Variants in RSPH14 observed in about 807,000 individuals in gnomAD.
The protein encoded by RSPH14 is radial spoke head 14 homolog, also known as rhabdoid tumor deletion region gene 1.
In RSPH14, 20 loss-of-function variants were observed where a neutral mutation model predicts 26.7. That is an observed-to-expected ratio of 0.75 (90% CI 0.53 to 1.09). RSPH14 has a LOEUF of 1.09. Among genes scored for constraint, RSPH14 ranks in the 50% least tolerant of loss-of-function variants. The pLI is 0.00. For missense variants in RSPH14, 449 were observed against 457.2 expected, an observed-to-expected ratio of 0.98 and a Z score of 0.16; for synonymous variants, 177 against 189.3, an observed-to-expected ratio of 0.93 and a Z score of 0.53.
the RSPH14 span, among the ~76,000 whole-genome samples, chr22:23,157,731 A>G: frequency 0.043 from 6,572 of 152,208 alleles, 477 homozygotes; most frequent in African/African-American, 0.15. Context: ...GCTAAAGCCC[A>G]TGCGCTCGCT....
At chr22:23,149,730 A>G (rs1284172376), upstream of RSPH14, among the ~76,000 whole-genome samples, 1 of 152,182 alleles carries the variant, frequency 6.6e-6, no homozygotes, top group Non-Finnish European at 1.5e-5. Flanking sequence ...TCTTGGCACC[A>G]AAAGAGCTCC....
At position 23,138,946 on chromosome 22, in the gene RSPH14, GAAAAAA is replaced by G; in HGVS notation, c.200-10_200-5del. The stretch of plus-strand genomic sequence containing the variant: ...GCTTTCAGGTTCTCCATACAGCCTA[GAAAAAA>G]AAAAAAAAACAAACAAACCAACCCT... On this transcript the variant is annotated splice_region_variant and splice_polypyrimidine_tract_variant and intron_variant, in intron 2 of 6. Coordinates refer to ENST00000216036, the MANE Select transcript of RSPH14 (RefSeq NM_014433.3). 7.2e-7 allele frequency: 1 copy of G among 1,380,190 alleles called. No homozygotes were observed. Among genetic ancestry groups the G allele is most frequent in the Non-Finnish European group, 9.7e-7 (1 of 1,033,880 alleles). 85.5% of individuals were successfully genotyped at this position (1,380,190 alleles called of 1,614,324 possible).
At chr22:23,089,529 G>A (rs1195749024) in intron 4 of RSPH14, among the ~76,000 whole-genome samples, 6 of 152,178 alleles carry the variant, frequency 3.9e-5, no homozygotes, top group Non-Finnish European at 4.4e-5. Context: ...CATCCAGGAT[G>A]CAAAGGTCCC....
the RSPH14 span, among the ~76,000 whole-genome samples, chr22:23,151,304 G>A: frequency 6.6e-6 from 1 of 152,186 alleles, no homozygotes; most frequent in Non-Finnish European, 1.5e-5. Flanking sequence ...ACTGGAGGTG[G>A]GGAAACTGAG....
rs118169937 is a variant in RSPH14, at chr22:23,102,120, C to T, written c.421+31906G>A. ...CCATCCCTTCAGCACCGGCTCCCCGCATCCAAGTTCCCTTGCCTCATTGCC... is the reference window on the plus strand; with the variant it reads ...CCATCCCTTCAGCACCGGCTCCCCGTATCCAAGTTCCCTTGCCTCATTGCC... On this transcript the variant is annotated intron_variant, in intron 4 of 6. Coordinates refer to ENST00000216036, the MANE Select transcript of RSPH14 (RefSeq NM_014433.3). Among the ~76,000 whole-genome samples, 47 of 152,374 alleles carry T rather than the reference C, an allele frequency of 3.1e-4. 1 individual carries two copies. In the East Asian group the frequency reaches 7.3e-3, roughly 24 times the overall value.
At position 23,130,272 on chromosome 22, in the gene RSPH14, G is replaced by A. The variant is rs542488583; in HGVS notation, c.421+3754C>T. On this transcript the variant is annotated intron_variant, in intron 4 of 6. Transcript: ENST00000216036. The stretch of plus-strand genomic sequence containing the variant: ...AGATCGAGACCATCCTGGCTAACAC[G>A]GTGAAACCCCGTTTCTACTAAAAAT... 1.1e-4 allele frequency among the ~76,000 whole-genome samples: 16 copies of A among 150,920 alleles called. No individual in the cohort carries two copies. The East Asian group carries it at 2.6e-3, about 24-fold the overall frequency.
intron 4 of RSPH14, among the ~76,000 whole-genome samples, chr22:23,068,650 C>T (rs962940058): frequency 1.3e-5 from 2 of 152,238 alleles, no homozygotes; most frequent in Non-Finnish European, 2.9e-5. Flanking sequence ...GTGGGCTTAC[C>T]TCTGCAAACA....
Position 23,110,391 on chromosome 22 carries a change from C to T in RSPH14, c.421+23635G>A, listed in dbSNP as rs981771506. On this transcript the variant is annotated intron_variant, in intron 4 of 6. Transcript: ENST00000216036. ...GCCACAGGGTGACAAGAGCGAGCCACGTTCTGGGGCCCTCCCACCAGGAGG... is the reference window on the plus strand; with the variant it reads ...GCCACAGGGTGACAAGAGCGAGCCATGTTCTGGGGCCCTCCCACCAGGAGG... Among the ~76,000 whole-genome samples the T allele has an allele frequency of 7.9e-5, 12 of 152,230 alleles. No homozygotes were observed. In the South Asian group the frequency reaches 1.0e-3, roughly 13 times the overall value.
chr22:23,060,469 CAA>C (rs35204459), intron 6 of RSPH14, among the ~76,000 whole-genome samples: 25 of 120,414 alleles, frequency 2.1e-4, no homozygotes, highest in East Asian at 4.6e-4. Context: ...GACTCCATCT[CAA>C]AAAAAAAAAA....
At chr22:23,146,836 G>T (rs1221960798), upstream of RSPH14, 10 of 1,410,024 alleles carry the variant, frequency 7.1e-6, no homozygotes, top group East Asian at 2.7e-4. Context: ...ACTGGTCACT[G>T]ACTGCCCAAG....
chr22:23,113,090 C>T (rs551729113), intron 4 of RSPH14, among the ~76,000 whole-genome samples: 1 of 152,254 alleles, frequency 6.6e-6, no homozygotes, highest in East Asian at 1.9e-4. Context: ...GCACCCTGCC[C>T]CTGCGGCTGA....
upstream of RSPH14, chr22:23,145,296 G>C (rs2070699279): frequency 4.1e-6 from 4 of 969,348 alleles, no homozygotes; most frequent in South Asian, 4.1e-5. Flanking sequence ...GGTGATCTCC[G>C]GCTCTCCAGG....
chr22:23,150,289 TTTTC>T, the RSPH14 span: 1 of 679,534 alleles, frequency 1.5e-6, no homozygotes, highest in Admixed American at 2.9e-5. Flanking sequence ...ATGACTGGGG[TTTTC>T]TTTTTTTTTT....
In RSPH14 at chr22:23,141,951, G is replaced by A; in HGVS notation, c.-55C>T. 1 of 985,530 alleles carries A rather than the reference G, an allele frequency of 1.0e-6. No homozygotes were observed. Among genetic ancestry groups the A allele is most frequent in the Non-Finnish European group, 1.2e-6 (1 of 829,980 alleles). The allele number at this position is 985,530 out of a possible 1,614,324, so 61.0% of individuals were successfully genotyped here. ...CTAGCCCACCACCGCCGCCTCACCT[G>A]CCTCCGCAGCCCTTTCTGCTTCCAG... On this transcript the variant is annotated splice_region_variant and 5_prime_UTR_variant, in exon 1 of 7. Transcript: ENST00000216036.
the RSPH14 span, chr22:23,160,901 C>A: frequency 6.2e-7 from 1 of 1,613,858 alleles, no homozygotes; most frequent in Non-Finnish European, 8.5e-7. Context: ...AGGCATTCTT[C>A]AGCCGCGTAG....
At chr22:23,142,019 TCGTTGCCAGGCGACTCCAGCAG>T (rs2070613928), upstream of RSPH14, 1 of 985,300 alleles carries the variant, frequency 1.0e-6, no homozygotes, top group African/African-American at 1.7e-5. Flanking sequence ...CCAGGCGACA[TCGTTGCCAGGCGACTCCAGCAG>T]CGTCCGCGGC....
chr22:23,075,757 G>A (rs2146254331), intron 4 of RSPH14, among the ~76,000 whole-genome samples: 1 of 152,276 alleles, frequency 6.6e-6, no homozygotes, highest in Middle Eastern at 3.4e-3. Context: ...TCATGGCCAT[G>A]GGGGACCGTG....
intron 4 of RSPH14, among the ~76,000 whole-genome samples, chr22:23,107,278 G>A (rs745667283): frequency 1.3e-5 from 2 of 152,172 alleles, no homozygotes; most frequent in African/African-American, 2.4e-5. Context: ...CATCCCAGAG[G>A]AGCCCCATCT....
chr22:23,136,423 A>T (rs1699888472), intron 3 of RSPH14: 1 of 564,728 alleles, frequency 1.8e-6, no homozygotes, highest in African/African-American at 2.0e-5. Flanking sequence ...TTATAAGATC[A>T]CCACTGACCT....
Sources: gnomAD v4.1 joint callset for allele counts (sites outside exome capture counted in the v4.1 genomes callset) on GRCh38, gnomAD v4.1.1 for gene constraint, MANE v1.5 for transcripts, NCBI Gene and HGNC (gene_info 2026-07-23, HGNC 2026-07-21) for gene names.